CD38: variants seen among roughly 807,000 people sequenced by gnomAD.
CD38 encodes the protein CD38 molecule.
A neutral mutation model predicts 36.3 loss-of-function variants in CD38; 31 were observed. That is an observed-to-expected ratio of 0.85 (90% CI 0.64 to 1.15). The LOEUF is 1.15. Among genes scored for constraint, CD38 ranks in the 50% most tolerant of loss-of-function variants. The pLI is 0.00. For missense variants in CD38, 380 were observed against 371.9 expected (o/e 1.02, Z -0.18); for synonymous variants, 131 against 135.2 (o/e 0.97, Z 0.22).
intron 4 of CD38, among the ~76,000 whole-genome samples, chr4:15,836,937 TG>T (rs1724079971): frequency 6.6e-6 from 1 of 152,230 alleles, no homozygotes; most frequent in Non-Finnish European, 1.5e-5. Context: ...GTTACTGCAA[TG>T]TTTAAATGAG....
At chr4:15,811,489 G>T (rs746585541) in intron 1 of CD38, among the ~76,000 whole-genome samples, 1 of 151,262 alleles carries the variant, frequency 6.6e-6, no homozygotes, top group Non-Finnish European at 1.5e-5. Context: ...TTTGCATGTG[G>T]ATATCTTGTT....
Position 15,849,234 on chromosome 4 carries a change from C to G in CD38, c.*632C>G, listed in dbSNP as rs1414917152. 1 of 152,058 alleles carries G rather than the reference C, an allele frequency of 6.6e-6. No individual in the cohort carries two copies. The highest frequency in any genetic ancestry group is 2.4e-5 in the African/African-American group (1 of 41,420). The allele number at this position is 152,058 out of a possible 1,614,324, so 9.4% of individuals were successfully genotyped here. A position where few individuals can be genotyped will look rare whatever the true frequency, so the allele number is the denominator to read the frequency against. ...GAGAGGTTATATATTTAAGTTGGTG[C>G]AAAAGTAATTGCAAGTTTTGCCACC... On this transcript the variant is annotated 3_prime_UTR_variant, in exon 8 of 8. Transcript: ENST00000226279.
intron 4 of CD38, among the ~76,000 whole-genome samples, chr4:15,836,926 G>A (rs1724079591): frequency 6.6e-6 from 1 of 152,088 alleles, no homozygotes; most frequent in Non-Finnish European, 1.5e-5. Flanking sequence ...TGTTCCATAG[G>A]GTTACTGCAA....
intron 3 of CD38, among the ~76,000 whole-genome samples, chr4:15,830,853 A>T (rs1723945214): frequency 6.6e-6 from 1 of 152,114 alleles, no homozygotes; most frequent in African/African-American, 2.4e-5. Flanking sequence ...TGTAGAGTTT[A>T]GTCCATTTAC....
chr4:15,823,331 A>C (rs1212447407), intron 2 of CD38, among the ~76,000 whole-genome samples: 1 of 152,248 alleles, frequency 6.6e-6, no homozygotes, highest in Non-Finnish European at 1.5e-5. Context: ...ATGGGATCTA[A>C]TTAAACTAAA....
chr4:15,813,790 A>T (rs1723525921), intron 1 of CD38, among the ~76,000 whole-genome samples: 2 of 152,106 alleles, frequency 1.3e-5, no homozygotes, highest in African/African-American at 4.8e-5. Flanking sequence ...ATTCTTTTTT[A>T]TGACTGCATA....
chr4:15,825,097 A>G, intron 3 of CD38, 81 bp downstream of exon 3: 2 of 1,432,058 alleles, frequency 1.4e-6, no homozygotes, highest in Non-Finnish European at 1.9e-6. Flanking sequence ...CTGAATGATT[A>G]GTGTGGAGGA....
intron 1 of CD38, among the ~76,000 whole-genome samples, chr4:15,799,412 G>T (rs1162404684): frequency 6.6e-6 from 1 of 152,114 alleles, no homozygotes; most frequent in Non-Finnish European, 1.5e-5. Context: ...CTAATGCTTT[G>T]ATATCCAATA....
At chr4:15,833,961 T>C (rs977399245) in intron 3 of CD38, among the ~76,000 whole-genome samples, 2 of 152,224 alleles carry the variant, frequency 1.3e-5, no homozygotes, top group Non-Finnish European at 2.9e-5. Flanking sequence ...GATGAACTTT[T>C]GGTAGCATTT....
chr4:15,780,569 T>C (rs963378327), intron 1 of CD38, among the ~76,000 whole-genome samples: 47 of 102,436 alleles, frequency 4.6e-4, no homozygotes, highest in Middle Eastern at 4.8e-3. Context: ...CACACACACA[T>C]ACAGTCTTAC....
chr4:15,802,243 A>G (rs1723242691), intron 1 of CD38, among the ~76,000 whole-genome samples: 1 of 152,166 alleles, frequency 6.6e-6, no homozygotes, highest in South Asian at 2.1e-4. Flanking sequence ...GAGGTGAAAG[A>G]TCTCTAGAAT....
chr4:15,794,012 A>T (rs1415915956), intron 1 of CD38, among the ~76,000 whole-genome samples: 1 of 152,226 alleles, frequency 6.6e-6, no homozygotes, highest in African/African-American at 2.4e-5. Flanking sequence ...CACTTTCTGC[A>T]GTTTCACTTA....
rs181517730 is a variant in CD38, at chr4:15,789,955, A to G, written c.233+11308A>G. Among the ~76,000 whole-genome samples the G allele has an allele frequency of 2.4e-3, 372 of 152,370 alleles. 1 individual carries two copies. The highest frequency in any genetic ancestry group is 4.7e-3 in the Non-Finnish European group (320 of 68,036). Reference sequence around the variant, plus strand: ...CTTCAGGTATTCTGCTATAAGCAACAGAAAATGACTAAAACAGGAGGCTTT... The same window carrying G: ...CTTCAGGTATTCTGCTATAAGCAACGGAAAATGACTAAAACAGGAGGCTTT... On this transcript the variant is annotated intron_variant, in intron 1 of 7. Coordinates refer to ENST00000226279, the MANE Select transcript of CD38 (RefSeq NM_001775.4).
intron 1 of CD38, among the ~76,000 whole-genome samples, chr4:15,790,891 GTC>G (rs1722962158): frequency 2.0e-5 from 3 of 149,226 alleles, no homozygotes; most frequent in Non-Finnish European, 3.0e-5. Context: ...GGTGAGGAGT[GTC>G]TCTGCCCGGC....
At chr4:15,782,512 A>G (rs1722722109) in intron 1 of CD38, among the ~76,000 whole-genome samples, 1 of 152,202 alleles carries the variant, frequency 6.6e-6, no homozygotes, top group Non-Finnish European at 1.5e-5. Context: ...CTTTTGTTTA[A>G]TGATATATCT....
intron 1 of CD38, among the ~76,000 whole-genome samples, chr4:15,796,937 CCTT>C (rs1475314829): frequency 1.3e-5 from 2 of 152,102 alleles, no homozygotes; most frequent in East Asian, 3.8e-4. Context: ...GCAATGAAAT[CCTT>C]CTGTATGTAT....
intron 2 of CD38, among the ~76,000 whole-genome samples, chr4:15,819,502 G>A (rs1382489459): frequency 6.6e-6 from 1 of 152,084 alleles, no homozygotes; most frequent in East Asian, 1.9e-4. Flanking sequence ...TAAGAACCAT[G>A]ATAAAACATA....
At chr4:15,816,894 G>A in intron 2 of CD38, 2 of 423,838 alleles carry the variant, frequency 4.7e-6, no homozygotes, top group South Asian at 2.7e-5. Context: ...CCAAAAACTA[G>A]GCAGAAAAAA....
chr4:15,803,109 TA>T (rs1350081928), intron 1 of CD38, among the ~76,000 whole-genome samples: 5 of 152,136 alleles, frequency 3.3e-5, no homozygotes, highest in African/African-American at 1.2e-4. Context: ...AGAATGAAAC[TA>T]GAGCCCCATC....
Sources: gnomAD v4.1 joint callset for allele counts (sites outside exome capture counted in the v4.1 genomes callset) on GRCh38, gnomAD v4.1.1 for gene constraint, MANE v1.5 for transcripts, NCBI Gene and HGNC (gene_info 2026-07-23, HGNC 2026-07-21) for gene names.